The following KIRREL3 variants were observed in gnomAD, a reference collection of about 807,000 sequenced individuals.
The protein encoded by KIRREL3 is kirre like nephrin family adhesion molecule 3.
In KIRREL3, 36 loss-of-function variants were observed where a neutral mutation model predicts 89.7. The observed-to-expected ratio is 0.40, with a 90% confidence interval of 0.31 to 0.53. The LOEUF is 0.53. Among genes scored for constraint, KIRREL3 ranks in the 20% least tolerant of loss-of-function variants. The probability of loss-of-function intolerance (pLI) is 0.49; values close to 1 mark genes in which losing one functional copy is unlikely to be tolerated. For missense variants in KIRREL3, 864 were observed against 1,056.6 expected (o/e 0.82, Z 2.53); for synonymous variants, 445 against 441.4 (o/e 1.01, Z -0.10).
intron 1 of KIRREL3, among the ~76,000 whole-genome samples, chr11:126,644,994 A>C (rs1175212154): frequency 1.3e-5 from 2 of 152,146 alleles, no homozygotes; most frequent in Non-Finnish European, 2.9e-5. Context: ...GCCCTGGAAG[A>C]GGTGAGGACT....
rs1949916327 is a variant in KIRREL3, at chr11:126,768,445, C to A, written c.56-205533G>T. On this transcript the variant is annotated intron_variant, in intron 1 of 16. Transcript: ENST00000525144. The surrounding 1 kb of genome is among the most constrained non-coding windows in gnomAD (Gnocchi z 4.5). Reference sequence around the variant, plus strand: ...TCAGGCAGGCCAAGGATCTTATGAACTTGGTTTATGAGATCCTTGGTTTAG... The same window carrying A: ...TCAGGCAGGCCAAGGATCTTATGAAATTGGTTTATGAGATCCTTGGTTTAG... 6.6e-6 allele frequency among the ~76,000 whole-genome samples: 1 copy of A among 152,304 alleles called. No homozygotes were observed. Among genetic ancestry groups the A allele is most frequent in the South Asian group, 2.1e-4 (1 of 4,824 alleles).
chr11:126,801,386 A>G (rs574009608), intron 1 of KIRREL3, among the ~76,000 whole-genome samples: 70 of 152,340 alleles, frequency 4.6e-4, no homozygotes, highest in Admixed American at 7.8e-4. Context: ...CCATAGGTAC[A>G]GTCACCGATG....
chr11:126,457,217 A>ATG (rs1565470374), intron 6 of KIRREL3, among the ~76,000 whole-genome samples: 1 of 141,098 alleles, frequency 7.1e-6, no homozygotes, highest in Non-Finnish European at 1.5e-5. Flanking sequence ...GTGTATGTGT[A>ATG]TGTGTGTGTA....
Position 126,892,421 on chromosome 11 carries a change from T to C in KIRREL3, c.55+108034A>G, listed in dbSNP as rs1241158872. Among the ~76,000 whole-genome samples, 5 of 152,194 alleles carry C rather than the reference T, an allele frequency of 3.3e-5. No homozygotes were observed. Among genetic ancestry groups the C allele is most frequent in the Non-Finnish European group, 7.3e-5 (5 of 68,032 alleles). Reference sequence around the variant, plus strand: ...ATTTTAATCTGTACCATTTAGGATATGCTCAGGAGGGGCCCTGGGAGAGGC... The same window carrying C: ...ATTTTAATCTGTACCATTTAGGATACGCTCAGGAGGGGCCCTGGGAGAGGC... On this transcript the variant is annotated intron_variant, in intron 1 of 16. Transcript: ENST00000525144. The surrounding 1 kb of genome is among the most constrained non-coding windows in gnomAD (Gnocchi z 5.4).
Position 126,981,668 on chromosome 11 carries a change from T to C in KIRREL3, c.55+18787A>G, listed in dbSNP as rs1365842485. ...TGTCGGAGGAGGTCTCAGCCACACATGCTCAGGGGGCTTTTATCAATGCAC... is the reference window on the plus strand; with the variant it reads ...TGTCGGAGGAGGTCTCAGCCACACACGCTCAGGGGGCTTTTATCAATGCAC... On this transcript the variant is annotated intron_variant, in intron 1 of 16. Transcript: ENST00000525144. This position sits in a 1 kb window ranked among gnomAD's most constrained non-coding sequence, Gnocchi z 4.2. Among the ~76,000 whole-genome samples the C allele has an allele frequency of 6.6e-6, 1 of 152,216 alleles. No homozygotes were observed. The highest frequency in any genetic ancestry group is 2.4e-5 in the African/African-American group (1 of 41,462).
At chr11:126,497,110 CTGTGTG>C (rs60261632) in intron 4 of KIRREL3, among the ~76,000 whole-genome samples, 1 of 149,010 alleles carries the variant, frequency 6.7e-6, no homozygotes, top group African/African-American at 2.5e-5. Flanking sequence ...GCCTGCTTGG[CTGTGTG>C]TGTGTGTGTG....
rs1052493408 is a variant in KIRREL3 at position 126,459,254 on chromosome 11, GTGA to G, written c.743-2803_743-2801del. 3.3e-5 allele frequency among the ~76,000 whole-genome samples: 5 copies of G among 152,088 alleles called. No individual in the cohort carries two copies. The highest frequency in any genetic ancestry group is 6.5e-5 in the Admixed American group (1 of 15,278). ...CCCTCACCTGGGGGTCTTTTCTAAAGTGATGAGGTCTGAGAGGCAGGGAGGTGG... is the reference window on the plus strand; with the variant it reads ...CCCTCACCTGGGGGTCTTTTCTAAAGTGAGGTCTGAGAGGCAGGGAGGTGG... On this transcript the variant is annotated intron_variant, in intron 6 of 16. Transcript: ENST00000525144. This position sits in a 1 kb window ranked among gnomAD's most constrained non-coding sequence, Gnocchi z 4.8.
chr11:126,517,108 C>G (rs1468617860), intron 4 of KIRREL3, among the ~76,000 whole-genome samples: 1 of 121,202 alleles, frequency 8.3e-6, no homozygotes, highest in Non-Finnish European at 1.8e-5. Context: ...TGACACTTCA[C>G]TGTTAGAGAT....
In KIRREL3 at chr11:126,766,350, A is replaced by T. The variant is rs922011468; in HGVS notation, c.56-203438T>A. Reference sequence around the variant, plus strand: ...AATGACAGTGTTGCAGAATTAGAACACTCACTCCTACGCGGAGAAGAAAAA... The same window carrying T: ...AATGACAGTGTTGCAGAATTAGAACTCTCACTCCTACGCGGAGAAGAAAAA... On this transcript the variant is annotated intron_variant, in intron 1 of 16. Transcript: ENST00000525144. The surrounding 1 kb of genome is among the most constrained non-coding windows in gnomAD (Gnocchi z 4.2). Among the ~76,000 whole-genome samples the T allele has an allele frequency of 6.6e-6, 1 of 151,848 alleles. No individual in the cohort carries two copies. The highest frequency in any genetic ancestry group is 2.4e-5 in the African/African-American group (1 of 41,300).
intron 1 of KIRREL3, among the ~76,000 whole-genome samples, chr11:126,767,669 A>G (rs1437697035): frequency 1.3e-5 from 2 of 152,134 alleles, no homozygotes; most frequent in East Asian, 3.9e-4. Context: ...TTACTCTTTT[A>G]AGGAATCCCC....
chr11:126,751,692 A>G (rs903221821), intron 1 of KIRREL3, among the ~76,000 whole-genome samples: 4 of 152,180 alleles, frequency 2.6e-5, no homozygotes, highest in African/African-American at 9.7e-5. Context: ...AATAGTGAGA[A>G]CTATTGCTAG....
intron 1 of KIRREL3, among the ~76,000 whole-genome samples, chr11:126,707,283 C>T (rs1947568848): frequency 7.2e-6 from 1 of 138,812 alleles, no homozygotes; most frequent in African/African-American, 2.7e-5. Flanking sequence ...ACTGTACATA[C>T]ATCACACATA....
chr11:126,880,293 C>T (rs747891955), intron 1 of KIRREL3, among the ~76,000 whole-genome samples: 1 of 152,174 alleles, frequency 6.6e-6, no homozygotes, highest in African/African-American at 2.4e-5. Flanking sequence ...CTTTGACCCA[C>T]TCACCCCACC....
rs891015789 is a variant in KIRREL3, at chr11:126,485,414, G to A, written c.434-11948C>T. On this transcript the variant is annotated intron_variant, in intron 4 of 16. Coordinates refer to ENST00000525144, the MANE Select transcript of KIRREL3 (RefSeq NM_032531.4). This position sits in a 1 kb window ranked among gnomAD's most constrained non-coding sequence, Gnocchi z 5.8. ...CTCATATTGTTTAGGGGATAAGAAG[G>A]GAGGCCCTGAAGTCAGAGTGCCTGG... Among the ~76,000 whole-genome samples, 2 of 152,188 alleles carry A rather than the reference G, an allele frequency of 1.3e-5. No individual in the cohort carries two copies. The highest frequency in any genetic ancestry group is 2.9e-5 in the Non-Finnish European group (2 of 68,036).
chr11:126,971,832 C>G (rs1345340836), intron 1 of KIRREL3, among the ~76,000 whole-genome samples: 1 of 152,160 alleles, frequency 6.6e-6, no homozygotes, highest in Non-Finnish European at 1.5e-5. Flanking sequence ...CCAAATAAGC[C>G]TGTTCTGGGT....
chr11:126,433,487 G>A (rs1955210483), intron 13 of KIRREL3, among the ~76,000 whole-genome samples: 1 of 152,182 alleles, frequency 6.6e-6, no homozygotes, highest in Non-Finnish European at 1.5e-5. Flanking sequence ...TGCCACCCCA[G>A]GACTTGCACA....
rs912152858 is a variant in KIRREL3 at position 126,761,945 on chromosome 11, G to A, written c.56-199033C>T. On this transcript the variant is annotated intron_variant, in intron 1 of 16. Coordinates refer to ENST00000525144, the MANE Select transcript of KIRREL3 (RefSeq NM_032531.4). The surrounding 1 kb of genome is among the most constrained non-coding windows in gnomAD (Gnocchi z 4.4). The stretch of plus-strand genomic sequence containing the variant: ...TGTAATCCCAACACTTTGGGAGGCC[G>A]AGGGGGGCAGATCACCTGAGGTCAG... Among the ~76,000 whole-genome samples, 2 of 152,106 alleles carry A rather than the reference G, an allele frequency of 1.3e-5. No homozygotes were observed. Among genetic ancestry groups the A allele is most frequent in the Admixed American group, 6.6e-5 (1 of 15,266 alleles).
Position 126,989,615 on chromosome 11 carries a change from C to T in KIRREL3, c.55+10840G>A, listed in dbSNP as rs78049257. 1.0e-3 allele frequency among the ~76,000 whole-genome samples: 153 copies of T among 152,316 alleles called. No homozygotes were observed. In the Middle Eastern group the frequency reaches 0.01, roughly 10 times the overall value. The stretch of plus-strand genomic sequence containing the variant: ...TTAGTTCACGCTGCCTGTGGATCAA[C>T]TCGGGATCTCAGACACATCTCGTCA... On this transcript the variant is annotated intron_variant, in intron 1 of 16. Transcript: ENST00000525144. This position sits in a 1 kb window ranked among gnomAD's most constrained non-coding sequence, Gnocchi z 6.2.
At chr11:126,665,657 G>A (rs1291289098) in intron 1 of KIRREL3, among the ~76,000 whole-genome samples, 1 of 152,208 alleles carries the variant, frequency 6.6e-6, no homozygotes, top group East Asian at 1.9e-4. Context: ...CCAGCACCTT[G>A]ATCTTGGACT....
Sources: gnomAD v4.1 joint callset for allele counts (sites outside exome capture counted in the v4.1 genomes callset) on GRCh38, gnomAD v4.1.1 for gene constraint, Gnocchi (gnomAD v3.1) non-coding constraint, MANE v1.5 for transcripts, NCBI Gene and HGNC (gene_info 2026-07-23, HGNC 2026-07-21) for gene names.